KCMF1: variants seen among roughly 807,000 people sequenced by gnomAD.
The protein encoded by KCMF1 is potassium channel modulatory factor 1.
In KCMF1, 3 loss-of-function variants were observed where a neutral mutation model predicts 41.1. The ratio of observed to expected loss-of-function variants is 0.07; its 90% CI spans 0.03 to 0.19. The LOEUF (loss-of-function observed/expected upper bound fraction) is 0.19. KCMF1 is among the 10% of genes least tolerant of loss of function. The pLI is 1.00. For synonymous variants in KCMF1, 142 were observed against 164.5 expected, an observed-to-expected ratio of 0.86 and a Z score of 1.04; for missense variants, 286 against 488.9, an observed-to-expected ratio of 0.58 and a Z score of 3.91.
chr2:84,978,772 A>G (rs547415037), intron 1 of KCMF1, among the ~76,000 whole-genome samples: 11 of 151,286 alleles, frequency 7.3e-5, no homozygotes, highest in Admixed American at 2.0e-4. Context: ...CTGGAGTGCA[A>G]TGGCGCGATC....
At chr2:85,031,529 T>A (rs1675267962) in intron 2 of KCMF1, among the ~76,000 whole-genome samples, 2 of 152,212 alleles carry the variant, frequency 1.3e-5, no homozygotes, top group Admixed American at 1.3e-4. Flanking sequence ...TAAAATAGGC[T>A]TTGTTTTAGG....
chr2:85,052,913 T>C (rs1272272199), intron 6 of KCMF1, among the ~76,000 whole-genome samples: 1 of 152,182 alleles, frequency 6.6e-6, no homozygotes, highest in Non-Finnish European at 1.5e-5. Flanking sequence ...TCTTTTTTTT[T>C]CTCATTGAGT....
At chr2:85,040,736 A>G (rs541571830) in intron 3 of KCMF1, among the ~76,000 whole-genome samples, 1 of 152,042 alleles carries the variant, frequency 6.6e-6, no homozygotes, top group African/African-American at 2.4e-5. Context: ...ACTTGGTTCT[A>G]AATCTAGCCT....
At chr2:85,009,910 A>T (rs1389534248) in intron 1 of KCMF1, among the ~76,000 whole-genome samples, 1 of 152,154 alleles carries the variant, frequency 6.6e-6, no homozygotes, top group African/African-American at 2.4e-5. Flanking sequence ...TCTTCACCCT[A>T]ACTAGGGTTC....
At chr2:85,023,927 G>A (rs184873823) in intron 1 of KCMF1, among the ~76,000 whole-genome samples, 1 of 152,220 alleles carries the variant, frequency 6.6e-6, no homozygotes, top group African/African-American at 2.4e-5. Flanking sequence ...GCTAGCTCAC[G>A]GATGTTAATC....
chr2:84,974,510 A>T (rs1394225315), intron 1 of KCMF1, among the ~76,000 whole-genome samples: 1 of 151,336 alleles, frequency 6.6e-6, no homozygotes, highest in Non-Finnish European at 1.5e-5. Flanking sequence ...CGGGTTCAGC[A>T]TGCTTCTTCT....
rs1404083543 is a variant in KCMF1 at position 85,057,922 on chromosome 2, C to T, written c.*4513C>T. 2.6e-5 allele frequency: 4 copies of T among 152,216 alleles called. No homozygotes were observed. In the East Asian group the frequency reaches 7.7e-4, roughly 29 times the overall value. The allele number at this position is 152,216 out of a possible 1,614,324, so 9.4% of individuals were successfully genotyped here. On this transcript the variant is annotated 3_prime_UTR_variant, in exon 7 of 7. Transcript: ENST00000409785. The stretch of plus-strand genomic sequence containing the variant: ...GCCTAATAACATGGGTTCCTCAAAT[C>T]ACAAAGGAGAATGCTCTCAAGTCCT...
chr2:84,974,182 A>G (rs148301205), intron 1 of KCMF1, among the ~76,000 whole-genome samples: 563 of 151,980 alleles, frequency 3.7e-3, no homozygotes, highest in African/African-American at 0.013. Context: ...GTCCACCTCC[A>G]AATTCTCTGT....
intron 1 of KCMF1, among the ~76,000 whole-genome samples, chr2:85,026,136 G>C (rs530992123): frequency 6.6e-6 from 1 of 151,886 alleles, no homozygotes; most frequent in African/African-American, 2.4e-5. Context: ...GATTACAGGC[G>C]CCCACCACCA....
At chr2:85,030,468 T>G (rs1675239812) in intron 2 of KCMF1, among the ~76,000 whole-genome samples, 1 of 152,228 alleles carries the variant, frequency 6.6e-6, no homozygotes, top group Non-Finnish European at 1.5e-5. Context: ...TAGTTTTAGC[T>G]CTTACATTTA....
chr2:84,997,867 T>C (rs1427988183), intron 1 of KCMF1, among the ~76,000 whole-genome samples: 2 of 148,396 alleles, frequency 1.3e-5, no homozygotes, highest in Admixed American at 1.4e-4. Context: ...GCCTCCTGGA[T>C]TCAAGTGTTC....
At position 85,056,024 on chromosome 2, in the gene KCMF1, CTG is replaced by C. The variant is rs781629770; in HGVS notation, c.*2618_*2619del. On this transcript the variant is annotated 3_prime_UTR_variant, in exon 7 of 7. Coordinates refer to ENST00000409785, the MANE Select transcript of KCMF1 (RefSeq NM_020122.5). ...TTCAGCTCTGAACAAGTAGAAATAACTGTGCTTCCTTGTATGGCTGCAATCAT... is the reference window on the plus strand; with the variant it reads ...TTCAGCTCTGAACAAGTAGAAATAACTGCTTCCTTGTATGGCTGCAATCAT... 4 of 152,014 alleles carry C rather than the reference CTG, an allele frequency of 2.6e-5. No homozygotes were observed. The highest frequency in any genetic ancestry group is 5.9e-5 in the Non-Finnish European group (4 of 68,018). The allele number at this position is 152,014 out of a possible 1,614,324, so 9.4% of individuals were successfully genotyped here. A position where few individuals can be genotyped will look rare whatever the true frequency, so the allele number is the denominator to read the frequency against.
intron 1 of KCMF1, among the ~76,000 whole-genome samples, chr2:85,005,712 T>C (rs1010450544): frequency 6.6e-6 from 1 of 152,244 alleles, no homozygotes; most frequent in East Asian, 1.9e-4. Context: ...GGTCTCACTA[T>C]GTTTCCCAGG....
chr2:85,048,348 A>G (rs1675722762), intron 5 of KCMF1, among the ~76,000 whole-genome samples: 2 of 152,178 alleles, frequency 1.3e-5, no homozygotes, highest in Admixed American at 6.5e-5. Flanking sequence ...TCTGGGAGCA[A>G]AATTCAAAAT....
At chr2:84,974,726 GAC>G (rs1183424274) in intron 1 of KCMF1, among the ~76,000 whole-genome samples, 3 of 22,158 alleles carry the variant, frequency 1.4e-4, no homozygotes, top group African/African-American at 3.9e-4. Context: ...TTTTTTTTGA[GAC>G]ACAGTCTTGC....
At chr2:85,030,538 A>C (rs1675241386) in intron 2 of KCMF1, among the ~76,000 whole-genome samples, 1 of 152,122 alleles carries the variant, frequency 6.6e-6, no homozygotes, top group South Asian at 2.1e-4. Context: ...GGCCAACTTT[A>C]TTCTTTTGCA....
chr2:84,981,382 G>A lies in KCMF1; in HGVS notation c.16+9915G>A, dbSNP rs1673748389. The stretch of plus-strand genomic sequence containing the variant: ...TTTTTTGTATTTTTAGTAGAGACAG[G>A]GTTTCACCGTGTTAGCCAGGATGGT... On this transcript the variant is annotated intron_variant, in intron 1 of 6. Transcript: ENST00000409785. Among the ~76,000 whole-genome samples, 5 of 152,016 alleles carry A rather than the reference G, an allele frequency of 3.3e-5. No homozygotes were observed. In the South Asian group the frequency reaches 1.0e-3, roughly 32 times the overall value.
At chr2:84,994,897 A>G (rs1674139659) in intron 1 of KCMF1, among the ~76,000 whole-genome samples, 1 of 152,192 alleles carries the variant, frequency 6.6e-6, no homozygotes, top group Non-Finnish European at 1.5e-5. Context: ...AAACTGGATC[A>G]TTCCTTTGAT....
chr2:84,987,819 A>G (rs1673941209), intron 1 of KCMF1, among the ~76,000 whole-genome samples: 2 of 152,200 alleles, frequency 1.3e-5, no homozygotes, highest in African/African-American at 4.8e-5. Flanking sequence ...CAGCCCAATC[A>G]GAGAGCTAAG....
Sources: allele counts gnomAD v4.1 joint callset (sites outside exome capture counted in the v4.1 genomes callset), GRCh38; gene constraint gnomAD v4.1.1; transcripts MANE v1.5; gene names NCBI Gene and HGNC (gene_info 2026-07-23, HGNC 2026-07-21).